EPG5: variants seen among roughly 807,000 people sequenced by gnomAD.
EPG5 encodes ectopic P granules protein 5 homolog.
EPG5 carries 159 observed loss-of-function variants against 302.7 expected under a neutral mutation model. That is an observed-to-expected ratio of 0.53 (90% CI 0.46 to 0.60). EPG5 has a LOEUF of 0.60. EPG5 is among the 20% of genes least tolerant of loss of function. EPG5 has a pLI of 0.00. For synonymous variants in EPG5, 1,158 were observed against 1,136.8 expected (o/e 1.02, Z -0.37); for missense variants, 2,896 against 3,092.4 (o/e 0.94, Z 1.51).
the EPG5 span, among the ~76,000 whole-genome samples, chr18:45,810,810 T>C: frequency 6.6e-6 from 1 of 152,138 alleles, no homozygotes; most frequent in African/African-American, 2.4e-5. Flanking sequence ...TAATACTCCA[T>C]GATCCATGAT....
intron 10 of EPG5, among the ~76,000 whole-genome samples, chr18:45,936,767 C>T (rs2050535949): frequency 7.4e-6 from 1 of 134,282 alleles, no homozygotes; most frequent in African/African-American, 2.9e-5. Flanking sequence ...TGTACAGCAA[C>T]TTACCTGTTA....
intron 30 of EPG5, 138 bp downstream of exon 30, chr18:45,884,479 T>G (rs2049175363): frequency 5.8e-6 from 4 of 687,070 alleles, no homozygotes; most frequent in Admixed American, 3.6e-5. Context: ...TTGAAGCTCA[T>G]GCAAACTGTG....
At chr18:45,869,179 T>C (rs1488602597) in intron 36 of EPG5, among the ~76,000 whole-genome samples, 2 of 152,206 alleles carry the variant, frequency 1.3e-5, no homozygotes, top group Non-Finnish European at 1.5e-5. Flanking sequence ...TGGCTACTCA[T>C]GAATTTTTCC....
chr18:45,888,326 C>T (rs760223219), intron 28 of EPG5, among the ~76,000 whole-genome samples: 4 of 151,056 alleles, frequency 2.6e-5, no homozygotes, highest in African/African-American at 9.8e-5. Context: ...TATTTTTTGA[C>T]GGAGTCTCAC....
the EPG5 span, among the ~76,000 whole-genome samples, chr18:45,812,967 T>C: frequency 2.0e-5 from 3 of 152,130 alleles, no homozygotes; most frequent in African/African-American, 7.2e-5. Flanking sequence ...GAAACTACCA[T>C]TAGAGTGAAC....
chr18:45,809,024 T>C, the EPG5 span, among the ~76,000 whole-genome samples: 2 of 152,016 alleles, frequency 1.3e-5, no homozygotes, highest in Non-Finnish European at 2.9e-5. Context: ...CACATAAACT[T>C]AAGGTAAAGG....
chr18:45,904,970 G>C (rs528883235), intron 24 of EPG5, among the ~76,000 whole-genome samples: 9 of 152,220 alleles, frequency 5.9e-5, no homozygotes, highest in Admixed American at 2.0e-4. Context: ...TGGCATATGT[G>C]GGGAGGGGGA....
the EPG5 span, among the ~76,000 whole-genome samples, chr18:45,825,072 C>T: frequency 2.0e-5 from 3 of 150,636 alleles, no homozygotes; most frequent in Non-Finnish European, 3.0e-5. Context: ...TGTGTATCTG[C>T]CCTCTGCATT....
At chr18:45,877,599 A>C (rs1198803296) in intron 34 of EPG5, among the ~76,000 whole-genome samples, 2 of 152,194 alleles carry the variant, frequency 1.3e-5, no homozygotes, top group Non-Finnish European at 2.9e-5. Context: ...AGCAAAAGCA[A>C]ACATTCAGAA....
At chr18:45,957,894 G>A (rs1174085395) in intron 1 of EPG5, among the ~76,000 whole-genome samples, 1 of 152,110 alleles carries the variant, frequency 6.6e-6, no homozygotes, top group Non-Finnish European at 1.5e-5. Flanking sequence ...AACCAGGCAC[G>A]GGCTGACCCA....
chr18:45,942,147 C>T (rs564927252), intron 9 of EPG5, among the ~76,000 whole-genome samples: 2 of 152,216 alleles, frequency 1.3e-5, no homozygotes, highest in African/African-American at 4.8e-5. Context: ...ATGGCTTTAA[C>T]CTGGGAGGCA....
the EPG5 span, among the ~76,000 whole-genome samples, chr18:45,834,728 A>C: frequency 6.6e-6 from 1 of 152,238 alleles, no homozygotes; most frequent in Admixed American, 6.5e-5. Flanking sequence ...CCTGGCATAA[A>C]GTGGGGAAGT....
intron 29 of EPG5, 90 bp from the exon 30 acceptor site, chr18:45,884,901 G>A: frequency 2.3e-5 from 20 of 869,070 alleles, no homozygotes; most frequent in Non-Finnish European, 3.0e-5. Flanking sequence ...ACCAAATAAG[G>A]TGAATAGAAT....
At chr18:45,863,970 T>G (rs2048687548) in intron 39 of EPG5, among the ~76,000 whole-genome samples, 1 of 152,192 alleles carries the variant, frequency 6.6e-6, no homozygotes, top group East Asian at 1.9e-4. Flanking sequence ...CCCTGAAAAT[T>G]TTCAGCCTTG....
At position 45,848,857 on chromosome 18, in the gene EPG5, G is replaced by C. The variant is rs2048388575; in HGVS notation, c.*3610C>G. ...CCAGCACTCTGGGAGGCCGGGGCGG[G>C]CGGACCACAAGGTCAGGAGTTTGAA... On this transcript the variant is annotated 3_prime_UTR_variant, in exon 44 of 44. Transcript: ENST00000282041. 1 of 152,334 alleles carries C rather than the reference G, an allele frequency of 6.6e-6. No individual in the cohort carries two copies. The highest frequency in any genetic ancestry group is 6.5e-5 in the Admixed American group (1 of 15,284). The allele number at this position is 152,334 out of a possible 1,614,324, so 9.4% of individuals were successfully genotyped here.
At chr18:45,942,179 C>T (rs560629810) in intron 9 of EPG5, among the ~76,000 whole-genome samples, 1 of 152,128 alleles carries the variant, frequency 6.6e-6, no homozygotes, top group African/African-American at 2.4e-5. Flanking sequence ...GAGCCGAGAT[C>T]GCACCACTGC....
intron 36 of EPG5, among the ~76,000 whole-genome samples, chr18:45,868,996 A>T (rs2145293351): frequency 6.6e-6 from 1 of 151,612 alleles, no homozygotes; most frequent in South Asian, 2.1e-4. Flanking sequence ...AGGAGCTTGC[A>T]GTGAGCCAAG....
chr18:45,893,895 C>T (rs753898468), intron 27 of EPG5, among the ~76,000 whole-genome samples: 4 of 152,140 alleles, frequency 2.6e-5, no homozygotes, highest in African/African-American at 4.8e-5. Context: ...ACAATATCCA[C>T]AAAATTCCCC....
Position 45,937,399 on chromosome 18 carries a change from C to T in EPG5, c.2099+2201G>A, listed in dbSNP as rs148847820. The stretch of plus-strand genomic sequence containing the variant: ...ATATATACACACACACATATATATA[C>T]ACACACACACATATATATATATTTT... On this transcript the variant is annotated intron_variant, in intron 10 of 43. Transcript: ENST00000282041. Among the ~76,000 whole-genome samples the T allele has an allele frequency of 8.3e-3, 1,254 of 150,866 alleles. 13 individuals carry two copies. The highest frequency in any genetic ancestry group is 0.028 in the African/African-American group (1,164 of 41,008).
Sources: gnomAD v4.1 joint callset for allele counts (sites outside exome capture counted in the v4.1 genomes callset) on GRCh38, gnomAD v4.1.1 for gene constraint, MANE v1.5 for transcripts, NCBI Gene and HGNC (gene_info 2026-07-23, HGNC 2026-07-21) for gene names.